The following ARHGAP17 variants were observed in gnomAD, a reference collection of about 807,000 sequenced individuals.
The protein encoded by ARHGAP17 is rho GTPase-activating protein 17.
Under a neutral mutation model 99.5 loss-of-function variants are expected in ARHGAP17, and 57 were observed. That is an observed-to-expected ratio of 0.57 (90% CI 0.46 to 0.71). The LOEUF is 0.71. Ranked by LOEUF, ARHGAP17 falls within the 30% of genes least tolerant of loss-of-function variation. The probability of loss-of-function intolerance (pLI) is 0.00; values close to 1 mark genes in which losing one functional copy is unlikely to be tolerated. For missense variants in ARHGAP17, 1,000 were observed against 1,122.4 expected, an observed-to-expected ratio of 0.89 and a Z score of 1.56; for synonymous variants, 417 against 429.6, an observed-to-expected ratio of 0.97 and a Z score of 0.36.
chr16:25,003,226 A>G (rs2053416780), intron 1 of ARHGAP17, among the ~76,000 whole-genome samples: 1 of 145,126 alleles, frequency 6.9e-6, no homozygotes, highest in Non-Finnish European at 1.5e-5. Flanking sequence ...TGCTAGCTTT[A>G]AAGCTTTTTT....
intron 4 of ARHGAP17, among the ~76,000 whole-genome samples, chr16:24,970,239 G>A (rs1433530175): frequency 6.6e-6 from 1 of 152,198 alleles, no homozygotes; most frequent in African/African-American, 2.4e-5. Flanking sequence ...AAGATTAGGG[G>A]AATAGGCATT....
intron 19 of ARHGAP17, 148 bp downstream of exon 19, chr16:24,930,636 T>G: frequency 7.4e-7 from 1 of 1,354,152 alleles, no homozygotes; most frequent in Non-Finnish European, 1.1e-6. Context: ...AAAACTTTAA[T>G]GACAAAAACT....
chr16:24,922,889 C>A (rs1195909142), intron 19 of ARHGAP17, among the ~76,000 whole-genome samples: 1 of 151,934 alleles, frequency 6.6e-6, no homozygotes, highest in Non-Finnish European at 1.5e-5. Context: ...GTTGACTGGG[C>A]TGGTCTTGAA....
intron 1 of ARHGAP17, among the ~76,000 whole-genome samples, chr16:24,988,837 A>T (rs1432084729): frequency 2.6e-5 from 4 of 152,038 alleles, no homozygotes; most frequent in Non-Finnish European, 5.9e-5. Flanking sequence ...TCTGCCACCA[A>T]CCACCTCAAC....
At chr16:24,954,084 G>A (rs930601120) in intron 10 of ARHGAP17, among the ~76,000 whole-genome samples, 1 of 152,012 alleles carries the variant, frequency 6.6e-6, no homozygotes, top group African/African-American at 2.4e-5. Context: ...CTCTGACCTG[G>A]AGTAAACTCC....
In ARHGAP17 at chr16:24,970,493, G is replaced by T. The variant is rs2052329683; in HGVS notation, c.272+14C>A. Reference sequence around the variant, plus strand: ...CTACATGGCACTTGGCACTCTGAAGGCAGCAACTCTTACCCCAGGAGAGAG... The same window carrying T: ...CTACATGGCACTTGGCACTCTGAAGTCAGCAACTCTTACCCCAGGAGAGAG... On this transcript the variant is annotated intron_variant, in intron 4 of 19. Transcript: ENST00000289968. 1 of 1,613,504 alleles carries T rather than the reference G, an allele frequency of 6.2e-7. No individual in the cohort carries two copies. The highest frequency in any genetic ancestry group is 8.5e-7 in the Non-Finnish European group (1 of 1,179,464).
At chr16:24,965,208 C>T (rs1300185575) in intron 6 of ARHGAP17, among the ~76,000 whole-genome samples, 2 of 152,188 alleles carry the variant, frequency 1.3e-5, no homozygotes, top group African/African-American at 4.8e-5. Flanking sequence ...CGTTGGCTCA[C>T]GCCTGTAATC....
chr16:24,968,585 A>G (rs1382434051), intron 5 of ARHGAP17, 76 bp downstream of exon 5: 3 of 1,538,482 alleles, frequency 1.9e-6, no homozygotes, highest in Non-Finnish European at 9.0e-7. Context: ...GCCAGCAACT[A>G]CTGTTAAAAT....
intron 12 of ARHGAP17, among the ~76,000 whole-genome samples, chr16:24,951,409 G>C (rs994123131): frequency 6.6e-6 from 1 of 152,156 alleles, no homozygotes; most frequent in Non-Finnish European, 1.5e-5. Context: ...ACAGTACTTA[G>C]CACAAGAAAA....
At chr16:24,985,092 C>T (rs959160219) in intron 1 of ARHGAP17, among the ~76,000 whole-genome samples, 1 of 152,118 alleles carries the variant, frequency 6.6e-6, no homozygotes, top group African/African-American at 2.4e-5. Flanking sequence ...GGACATTTGG[C>T]AATGTCTGGG....
In ARHGAP17 at chr16:25,015,298, C is replaced by T. The variant is rs1427381728; in HGVS notation, c.-37G>A. 1.5e-6 allele frequency: 2 copies of T among 1,303,446 alleles called. No individual in the cohort carries two copies. The highest frequency in any genetic ancestry group is 1.5e-5 in the African/African-American group (1 of 64,866). 80.7% of individuals were successfully genotyped at this position (1,303,446 alleles called of 1,614,324 possible). On this transcript the variant is annotated 5_prime_UTR_variant, in exon 1 of 20. Coordinates refer to ENST00000289968, the MANE Select transcript of ARHGAP17 (RefSeq NM_001006634.3). ...CGGCGGCGGCCCGCGGGGCTCGGGC[C>T]GGGCAGGGCGGGGGACAGCCTGGCA... is the stretch of plus-strand genomic sequence containing the variant.
At chr16:24,950,600 C>T (rs189231154) in intron 12 of ARHGAP17, among the ~76,000 whole-genome samples, 37 of 152,034 alleles carry the variant, frequency 2.4e-4, no homozygotes, top group African/African-American at 6.3e-4. Flanking sequence ...TTTGGGAGGC[C>T]GAGGCAGGCA....
At chr16:24,994,983 A>C (rs1371782601) in intron 1 of ARHGAP17, among the ~76,000 whole-genome samples, 1 of 152,206 alleles carries the variant, frequency 6.6e-6, no homozygotes, top group African/African-American at 2.4e-5. Flanking sequence ...GCCTCAGGAA[A>C]CTTACAATCA....
intron 3 of ARHGAP17, among the ~76,000 whole-genome samples, chr16:24,974,603 C>T (rs1405816208): frequency 1.3e-5 from 2 of 151,400 alleles, no homozygotes; most frequent in African/African-American, 4.8e-5. Flanking sequence ...TTTTTTTAGG[C>T]AGGAGGATAA....
chr16:24,974,189 G>A (rs11862659), intron 3 of ARHGAP17, among the ~76,000 whole-genome samples: 44,949 of 152,152 alleles, frequency 0.3, 7,001 homozygotes, highest in East Asian at 0.5. Flanking sequence ...CCAGCACTTC[G>A]GGAGGCCGAG....
chr16:25,010,601 G>C (rs370916768), intron 1 of ARHGAP17, among the ~76,000 whole-genome samples: 3 of 152,344 alleles, frequency 2.0e-5, no homozygotes, highest in South Asian at 4.1e-4. Flanking sequence ...ATGAAAAAGA[G>C]GGACTGTCAA....
rs543399906 is a variant in ARHGAP17 at position 24,954,665 on chromosome 16, C to T, written c.790G>A (p.Glu264Lys). The change falls in exon 10 of 20, where the codon GAG (glutamate) becomes AAG (lysine). Residue 264 changes from glutamate (E) to lysine (K), a missense_variant. Coordinates refer to ENST00000289968, the MANE Select transcript of ARHGAP17 (RefSeq NM_001006634.3). ...LEEHLKRSGR[E>K]IALPIEACVM... ...CAGGCTTCAATGGGCAGCGCAATCTCGCGCCCGCTCCTCTTCAGGTGTTCT... is the reference window on the plus strand; with the variant it reads ...CAGGCTTCAATGGGCAGCGCAATCTTGCGCCCGCTCCTCTTCAGGTGTTCT... The T allele has an allele frequency of 9.3e-6, 15 of 1,614,068 alleles. No individual in the cohort carries two copies. Among genetic ancestry groups the T allele is most frequent in the Middle Eastern group, 1.6e-4 (1 of 6,062 alleles).
At chr16:24,928,824 A>G (rs1178975254) in intron 19 of ARHGAP17, among the ~76,000 whole-genome samples, 2 of 152,226 alleles carry the variant, frequency 1.3e-5, no homozygotes, top group South Asian at 2.1e-4. Flanking sequence ...TAAAAAGCTC[A>G]TATGGTTTAA....
At position 24,984,584 on chromosome 16, in the gene ARHGAP17, A is replaced by G. The variant is rs192077190; in HGVS notation, c.54-5579T>C. On this transcript the variant is annotated intron_variant, in intron 1 of 19. Transcript: ENST00000289968. ...GGCAGGAGAATGGTGTGATCCCGGGAGGCGGAGTTTGCAGTGAGCTGAGAT... is the reference window on the plus strand; with the variant it reads ...GGCAGGAGAATGGTGTGATCCCGGGGGGCGGAGTTTGCAGTGAGCTGAGAT... Among the ~76,000 whole-genome samples, 16 of 152,048 alleles carry G rather than the reference A, an allele frequency of 1.1e-4. No individual in the cohort carries two copies. In the East Asian group the frequency reaches 2.7e-3, roughly 26 times the overall value.
Sources: allele counts gnomAD v4.1 joint callset (sites outside exome capture counted in the v4.1 genomes callset), GRCh38; gene constraint gnomAD v4.1.1; transcripts MANE v1.5; gene names NCBI Gene and HGNC (gene_info 2026-07-23, HGNC 2026-07-21).